KCNQ3: variants seen among roughly 807,000 people sequenced by gnomAD.
KCNQ3 encodes the protein potassium voltage-gated channel subfamily Q member 3.
In KCNQ3, 30 loss-of-function variants were observed where a neutral mutation model predicts 92.5. That is an observed-to-expected ratio of 0.32 (90% CI 0.24 to 0.44). The LOEUF (loss-of-function observed/expected upper bound fraction) is 0.44. Among genes scored for constraint, KCNQ3 ranks in the 20% least tolerant of loss-of-function variants. The probability of loss-of-function intolerance (pLI) is 1.00; values close to 1 mark genes in which losing one functional copy is unlikely to be tolerated. For synonymous variants in KCNQ3, 450 were observed against 468.8 expected (o/e 0.96, Z 0.52); for missense variants, 913 against 1,140.3 (o/e 0.80, Z 2.87).
intron 1 of KCNQ3, among the ~76,000 whole-genome samples, chr8:132,395,846 C>G (rs1407581665): frequency 2.0e-5 from 3 of 152,210 alleles, no homozygotes; most frequent in African/African-American, 7.2e-5. Context: ...CGCATCTCAG[C>G]AAAGAGGAGG....
chr8:132,233,508 G>C (rs1047318279), intron 1 of KCNQ3, among the ~76,000 whole-genome samples: 4 of 152,244 alleles, frequency 2.6e-5, no homozygotes, highest in Middle Eastern at 3.4e-3. Flanking sequence ...GGTTATCTTT[G>C]AGCTGCAGCC....
At chr8:132,194,050 C>G (rs186022199) in intron 1 of KCNQ3, among the ~76,000 whole-genome samples, 3 of 152,316 alleles carry the variant, frequency 2.0e-5, no homozygotes, top group Admixed American at 1.3e-4. Context: ...GCTCTAATTA[C>G]AGCTGTCAAT....
chr8:132,316,571 T>C (rs991277081), intron 1 of KCNQ3, among the ~76,000 whole-genome samples: 6 of 152,214 alleles, frequency 3.9e-5, no homozygotes, highest in African/African-American at 1.2e-4. Flanking sequence ...CCCAGAGTGA[T>C]TGTGAAATTC....
At position 132,181,771 on chromosome 8, in the gene KCNQ3, C is replaced by T. The variant is rs539841604; in HGVS notation, c.605-1442G>A. On this transcript the variant is annotated intron_variant, in intron 3 of 14. Coordinates refer to ENST00000388996, the MANE Select transcript of KCNQ3 (RefSeq NM_004519.4). ...GCACATTTGCCAAAAAAGCTGATGC[C>T]GGCCAGGCACAGTGTCTCATGCCTG... 7.2e-5 allele frequency among the ~76,000 whole-genome samples: 11 copies of T among 152,178 alleles called. No homozygotes were observed. In the South Asian group the frequency reaches 1.7e-3, roughly 23 times the overall value.
At position 132,124,639 on chromosome 8, in the gene KCNQ3, G is replaced by T. The variant is rs1419309098; in HGVS notation, c.*4623C>A. 2 of 152,254 alleles carry T rather than the reference G, an allele frequency of 1.3e-5. No individual in the cohort carries two copies. The highest frequency in any genetic ancestry group is 2.9e-5 in the Non-Finnish European group (2 of 68,052). 9.4% of individuals were successfully genotyped at this position (152,254 alleles called of 1,614,324 possible). A position where few individuals can be genotyped will look rare whatever the true frequency, so the allele number is the denominator to read the frequency against. Reference sequence around the variant, plus strand: ...TGCTGGCTTGTTTAGGGGCCAGTTGGCTCAGTTTGGAATGGTTTAATATCA... The same window carrying T: ...TGCTGGCTTGTTTAGGGGCCAGTTGTCTCAGTTTGGAATGGTTTAATATCA... On this transcript the variant is annotated 3_prime_UTR_variant, in exon 15 of 15. Coordinates refer to ENST00000388996, the MANE Select transcript of KCNQ3 (RefSeq NM_004519.4).
chr8:132,345,829 G>T (rs1398780667), intron 1 of KCNQ3, among the ~76,000 whole-genome samples: 1 of 152,140 alleles, frequency 6.6e-6, no homozygotes, highest in Non-Finnish European at 1.5e-5. Flanking sequence ...TAATGAGGAT[G>T]ATGACTGATA....
At chr8:132,266,208 G>T (rs562251260) in intron 1 of KCNQ3, among the ~76,000 whole-genome samples, 1 of 152,258 alleles carries the variant, frequency 6.6e-6, no homozygotes, top group Admixed American at 6.5e-5. Context: ...TGACTTGATT[G>T]GTAGACAGAT....
At chr8:132,424,359 A>G (rs1324064587) in intron 1 of KCNQ3, among the ~76,000 whole-genome samples, 1 of 151,834 alleles carries the variant, frequency 6.6e-6, no homozygotes, top group Non-Finnish European at 1.5e-5. Flanking sequence ...CAGCTCCAAA[A>G]ACTCTAACCT....
intron 1 of KCNQ3, among the ~76,000 whole-genome samples, chr8:132,191,522 C>A (rs62519623): frequency 0.066 from 9,852 of 148,566 alleles, 368 homozygotes; most frequent in Non-Finnish European, 0.081. Context: ...ATCTCTCTCT[C>A]TATATATATA....
intron 1 of KCNQ3, among the ~76,000 whole-genome samples, chr8:132,239,005 T>A (rs1356941473): frequency 6.6e-6 from 1 of 152,230 alleles, no homozygotes; most frequent in Non-Finnish European, 1.5e-5. Context: ...AAATACTTTA[T>A]GGGCTGGCTT....
At chr8:132,236,005 C>T (rs1312257248) in intron 1 of KCNQ3, among the ~76,000 whole-genome samples, 3 of 152,198 alleles carry the variant, frequency 2.0e-5, no homozygotes, top group African/African-American at 7.2e-5. Context: ...TAAGACCCAG[C>T]ACATGCCCTG....
At chr8:132,373,673 C>T (rs1819534317) in intron 1 of KCNQ3, among the ~76,000 whole-genome samples, 1 of 152,126 alleles carries the variant, frequency 6.6e-6, no homozygotes, top group Admixed American at 6.5e-5. Flanking sequence ...CCCCTGCTTG[C>T]TGACTGCATT....
chr8:132,268,820 G>A (rs911162791), intron 1 of KCNQ3, among the ~76,000 whole-genome samples: 2 of 152,186 alleles, frequency 1.3e-5, no homozygotes, highest in South Asian at 4.1e-4. Flanking sequence ...GTCTTCCACA[G>A]TGGCTGTACC....
In KCNQ3 at chr8:132,174,083, T is replaced by C. The variant is rs62519574; in HGVS notation, c.1044+156A>G. The stretch of plus-strand genomic sequence containing the variant: ...TTTGGCAAAGGAAAGCAGCAGGGCC[T>C]GTGGCAAAAAGGCAGGATCATCATG... On this transcript the variant is annotated intron_variant, in intron 6 of 14. Transcript: ENST00000388996. 0.051 allele frequency among the ~76,000 whole-genome samples: 7,767 copies of C among 152,114 alleles called. 312 individuals are homozygous for C. Among genetic ancestry groups the C allele is most frequent in the Non-Finnish European group, 0.074 (5,017 of 67,966 alleles).
chr8:132,355,705 G>A (rs903983900), intron 1 of KCNQ3, among the ~76,000 whole-genome samples: 9 of 152,308 alleles, frequency 5.9e-5, no homozygotes, highest in Admixed American at 4.6e-4. Context: ...GGTTTCTTTT[G>A]AACCTGCCCA....
intron 1 of KCNQ3, among the ~76,000 whole-genome samples, chr8:132,266,450 G>A (rs190805816): frequency 6.6e-6 from 1 of 152,272 alleles, no homozygotes; most frequent in Admixed American, 6.5e-5. Context: ...CGGGAAAATG[G>A]GAAAAGGCTA....
rs1373461528 is a variant in KCNQ3 at position 132,424,444 on chromosome 8, TGAGGCCCA to T, written c.386+55695_386+55702del. On this transcript the variant is annotated intron_variant, in intron 1 of 14. Transcript: ENST00000388996. ...CCTCTCATTCGACAGATGAGGAAAC[TGAGGCCCA>T]GAGAGCAAAATAGATTGTTTCAAGT... is the stretch of plus-strand genomic sequence containing the variant. 5.9e-5 allele frequency among the ~76,000 whole-genome samples: 9 copies of T among 152,286 alleles called. No homozygotes were observed. The East Asian group carries it at 1.7e-3, about 29-fold the overall frequency.
chr8:132,318,872 C>A (rs2130630440), intron 1 of KCNQ3, among the ~76,000 whole-genome samples: 1 of 152,296 alleles, frequency 6.6e-6, no homozygotes, highest in East Asian at 1.9e-4. Context: ...ATGTCTAGAT[C>A]CCATGACCTT....
chr8:132,175,814 G>C (rs1409716322), intron 4 of KCNQ3, among the ~76,000 whole-genome samples: 1 of 152,186 alleles, frequency 6.6e-6, no homozygotes, highest in Non-Finnish European at 1.5e-5. Context: ...AACAGAAAAA[G>C]TGTATGGCTC....
Sources: gnomAD v4.1 joint callset for allele counts (sites outside exome capture counted in the v4.1 genomes callset) on GRCh38, gnomAD v4.1.1 for gene constraint, MANE v1.5 for transcripts, NCBI Gene and HGNC (gene_info 2026-07-23, HGNC 2026-07-21) for gene names.